Variants in HAPLN1 observed in about 807,000 individuals in gnomAD.
HAPLN1 encodes the protein hyaluronan and proteoglycan link protein 1, also known as Cartilage link protein.
HAPLN1 carries 13 observed loss-of-function variants against 36.5 expected under a neutral mutation model. The ratio of observed to expected loss-of-function variants is 0.36; its 90% CI spans 0.23 to 0.57. The LOEUF is 0.57. Among genes scored for constraint, HAPLN1 ranks in the 20% least tolerant of loss-of-function variants. The probability of loss-of-function intolerance (pLI) is 0.83; values close to 1 mark genes in which losing one functional copy is unlikely to be tolerated. For synonymous variants in HAPLN1, 202 were observed against 169.8 expected, an observed-to-expected ratio of 1.19 and a Z score of -1.48; for missense variants, 407 against 439.7, an observed-to-expected ratio of 0.93 and a Z score of 0.66.
chr5:83,652,212 C>T (rs1208172232), intron 3 of HAPLN1: 4 of 433,702 alleles, frequency 9.2e-6, no homozygotes, highest in Middle Eastern at 1.2e-3. Context: ...TAATTCAGTT[C>T]CACTGCACGT....
At chr5:83,657,870 T>A (rs573703688) in intron 2 of HAPLN1, among the ~76,000 whole-genome samples, 17 of 151,752 alleles carry the variant, frequency 1.1e-4, no homozygotes, top group Non-Finnish European at 2.5e-4. Context: ...TTAAAAATAA[T>A]CTCTCCAAGA....
intron 2 of HAPLN1, 80 bp from the exon 3 acceptor site, chr5:83,652,904 T>C: frequency 2.4e-6 from 3 of 1,274,318 alleles, no homozygotes; most frequent in East Asian, 2.6e-5. Context: ...ATATATCACA[T>C]ATATAGGATA....
At chr5:83,655,699 G>C (rs1211012382) in intron 2 of HAPLN1, among the ~76,000 whole-genome samples, 1 of 131,856 alleles carries the variant, frequency 7.6e-6, no homozygotes, top group East Asian at 2.3e-4. Flanking sequence ...TTTGCTTTTA[G>C]AAGATCTACA....
In HAPLN1 at chr5:83,673,564, C is replaced by T. The variant is rs763998716; in HGVS notation, c.-26-15G>A. 5 of 1,427,494 alleles carry T rather than the reference C, an allele frequency of 3.5e-6. No homozygotes were observed. Among genetic ancestry groups the T allele is most frequent in the South Asian group, 1.1e-5 (1 of 87,080 alleles). The allele number at this position is 1,427,494 out of a possible 1,614,324, so 88.4% of individuals were successfully genotyped here. On this transcript the variant is annotated splice_polypyrimidine_tract_variant and intron_variant, in intron 1 of 4. Coordinates refer to ENST00000274341, the MANE Select transcript of HAPLN1 (RefSeq NM_001884.4). ...AATCTTCTTCACTGCGAGAGCATCA[C>T]ATACAAAGAGGCTTGTGAGATTTGG...
intron 1 of HAPLN1, among the ~76,000 whole-genome samples, chr5:83,679,722 G>A (rs1361136169): frequency 6.6e-6 from 1 of 152,144 alleles, no homozygotes; most frequent in Non-Finnish European, 1.5e-5. Context: ...GGGAAATATG[G>A]CAATGGGTAC....
intron 4 of HAPLN1, among the ~76,000 whole-genome samples, chr5:83,643,281 T>A (rs1749758236): frequency 7.0e-6 from 1 of 142,682 alleles, no homozygotes; most frequent in Non-Finnish European, 1.5e-5. Context: ...ACCAGGGAGG[T>A]GGAGGTTGCA....
intron 3 of HAPLN1, 108 bp downstream of exon 3, chr5:83,652,345 T>C (rs1750089258): frequency 1.8e-6 from 2 of 1,100,970 alleles, no homozygotes; most frequent in African/African-American, 1.6e-5. Flanking sequence ...GCAAGGACTT[T>C]GGTTTTTCAC....
At chr5:83,659,226 A>G (rs1750311677) in intron 2 of HAPLN1, among the ~76,000 whole-genome samples, 1 of 151,918 alleles carries the variant, frequency 6.6e-6, no homozygotes, top group African/African-American at 2.4e-5. Flanking sequence ...GTGAGCCAAG[A>G]TTGCACCACT....
At chr5:83,649,862 T>A (rs1377458940) in intron 3 of HAPLN1, among the ~76,000 whole-genome samples, 1 of 152,258 alleles carries the variant, frequency 6.6e-6, no homozygotes, top group African/African-American at 2.4e-5. Flanking sequence ...AACTATTTAC[T>A]GAGCATGAAT....
intron 1 of HAPLN1, among the ~76,000 whole-genome samples, chr5:83,678,220 G>GGTGGGTGTGT (rs1554049530): frequency 1.4e-5 from 2 of 142,536 alleles, no homozygotes; most frequent in Non-Finnish European, 3.1e-5. Flanking sequence ...CTATAGTTTG[G>GGTGGGTGTGT]GTGTGTGTGT....
At chr5:83,657,862 A>G (rs2112574849) in intron 2 of HAPLN1, among the ~76,000 whole-genome samples, 1 of 152,094 alleles carries the variant, frequency 6.6e-6, no homozygotes, top group Non-Finnish European at 1.5e-5. Flanking sequence ...TAAGAACATT[A>G]AAAATAATCT....
At position 83,639,677 on chromosome 5, in the gene HAPLN1, T is replaced by C. The variant is rs1749623770; in HGVS notation, c.*1819A>G. On this transcript the variant is annotated 3_prime_UTR_variant, in exon 5 of 5. Coordinates refer to ENST00000274341, the MANE Select transcript of HAPLN1 (RefSeq NM_001884.4). ...AATTTAGAAGTGCAAGTTCTATTTA[T>C]ACCACCAGTGTTTGAGTTTAAACTT... The C allele has an allele frequency of 6.6e-6, 1 of 152,106 alleles. No homozygotes were observed. Among genetic ancestry groups the C allele is most frequent in the African/African-American group, 2.4e-5 (1 of 41,456 alleles). 9.4% of individuals were successfully genotyped at this position (152,106 alleles called of 1,614,324 possible).
chr5:83,650,691 G>C (rs918048900), intron 3 of HAPLN1, among the ~76,000 whole-genome samples: 3 of 144,542 alleles, frequency 2.1e-5, no homozygotes, highest in African/African-American at 7.8e-5. Context: ...CTGGAGTGCA[G>C]TGGTGTGATC....
At chr5:83,644,691 T>C (rs1457081) in intron 3 of HAPLN1, 26 bp from the exon 4 acceptor site, 952,307 of 1,385,240 alleles carry the variant, frequency 0.69, 329,012 homozygotes, top group African/African-American at 0.86. Context: ...AGCAAGGAGT[T>C]GTTAGAAGCC....
chr5:83,696,792 T>C (rs73133882), intron 1 of HAPLN1, among the ~76,000 whole-genome samples: 215 of 152,312 alleles, frequency 1.4e-3, no homozygotes, highest in African/African-American at 5.0e-3. Flanking sequence ...TAAAAAAATT[T>C]TGTCCATGCT....
chr5:83,682,428 T>C (rs138972487), intron 1 of HAPLN1: 7 of 152,320 alleles, frequency 4.6e-5, no homozygotes, highest in African/African-American at 1.7e-4. Flanking sequence ...TTTATGATCA[T>C]CGATTTACTG....
Position 83,665,144 on chromosome 5 carries a change from T to C in HAPLN1, c.100+8280A>G, listed in dbSNP as rs552215293. 4.9e-4 allele frequency among the ~76,000 whole-genome samples: 74 copies of C among 152,070 alleles called. 1 individual carries two copies. Among genetic ancestry groups the C allele is most frequent in the Non-Finnish European group, 9.6e-4 (65 of 68,004 alleles). On this transcript the variant is annotated intron_variant, in intron 2 of 4. Transcript: ENST00000274341. ...AAGAAAATTTGAAAATTTAAAAATTTGTAATTTACCTTTCTGTGCTGAAGA... is the reference window on the plus strand; with the variant it reads ...AAGAAAATTTGAAAATTTAAAAATTCGTAATTTACCTTTCTGTGCTGAAGA...
At chr5:83,720,508 C>A (rs1751995099) in intron 1 of HAPLN1, among the ~76,000 whole-genome samples, 1 of 152,090 alleles carries the variant, frequency 6.6e-6, no homozygotes, top group Non-Finnish European at 1.5e-5. Context: ...AAACCATGAC[C>A]CTACCAGATT....
intron 3 of HAPLN1, 80 bp from the exon 4 acceptor site, chr5:83,644,745 AACCTAACAG>A: frequency 9.6e-7 from 1 of 1,043,090 alleles, no homozygotes; most frequent in Non-Finnish European, 1.3e-6. Flanking sequence ...GTTGGTGAAA[AACCTAACAG>A]ACCCTCCATC....
Sources: gnomAD v4.1 joint callset for allele counts (sites outside exome capture counted in the v4.1 genomes callset) on GRCh38, gnomAD v4.1.1 for gene constraint, MANE v1.5 for transcripts, NCBI Gene and HGNC (gene_info 2026-07-23, HGNC 2026-07-21) for gene names.